ANKS1A: variants seen among roughly 807,000 people sequenced by gnomAD.
ANKS1A encodes ankyrin repeat and sterile alpha motif domain containing 1A.
In ANKS1A, 55 loss-of-function variants were observed where a neutral mutation model predicts 120.3. The ratio of observed to expected loss-of-function variants is 0.46; its 90% CI spans 0.37 to 0.57. The LOEUF is 0.57. Ranked by LOEUF, ANKS1A falls within the 20% of genes least tolerant of loss-of-function variation. ANKS1A has a pLI of 0.00. For missense variants in ANKS1A, 1,123 were observed against 1,480.3 expected, an observed-to-expected ratio of 0.76 and a Z score of 3.96; for synonymous variants, 590 against 604.7, an observed-to-expected ratio of 0.98 and a Z score of 0.36.
rs942298082 is a variant in ANKS1A at position 34,894,138 on chromosome 6, A to G, written c.197+4539A>G. Among the ~76,000 whole-genome samples the G allele has an allele frequency of 3.3e-5, 5 of 152,154 alleles. No individual in the cohort carries two copies. In the South Asian group the frequency reaches 1.0e-3, roughly 32 times the overall value. Reference sequence around the variant, plus strand: ...TCGGTCTATACCTTGGGAGCTTGGGATAGGCATTCTATCAAACTTCTTAAC... The same window carrying G: ...TCGGTCTATACCTTGGGAGCTTGGGGTAGGCATTCTATCAAACTTCTTAAC... On this transcript the variant is annotated intron_variant, in intron 1 of 23. Coordinates refer to ENST00000360359, the MANE Select transcript of ANKS1A (RefSeq NM_015245.3).
chr6:35,037,539 G>T (rs1775238246), intron 11 of ANKS1A, among the ~76,000 whole-genome samples: 2 of 152,224 alleles, frequency 1.3e-5, no homozygotes, highest in South Asian at 4.1e-4. Flanking sequence ...CCCTTGGGCC[G>T]TGGCCTGCTG....
chr6:35,032,489 AG>A (rs1267339901), intron 11 of ANKS1A, among the ~76,000 whole-genome samples: 2 of 152,192 alleles, frequency 1.3e-5, no homozygotes, highest in Non-Finnish European at 2.9e-5. Flanking sequence ...CATTTTTACA[AG>A]CCCTGCGGCT....
intron 2 of ANKS1A, among the ~76,000 whole-genome samples, chr6:34,969,272 G>A (rs1252118480): frequency 1.3e-5 from 2 of 151,816 alleles, no homozygotes; most frequent in Non-Finnish European, 1.5e-5. Flanking sequence ...TATTTATTTT[G>A]AGAGAGAGTC....
At chr6:35,066,977 C>T (rs820074) in intron 13 of ANKS1A, among the ~76,000 whole-genome samples, 65,916 of 151,962 alleles carry the variant, frequency 0.43, 14,861 homozygotes, top group East Asian at 0.62. Flanking sequence ...GTGAGGCAGG[C>T]GGTTCCACTC....
At chr6:34,977,478 G>A (rs775637159) in intron 3 of ANKS1A, among the ~76,000 whole-genome samples, 9 of 151,548 alleles carry the variant, frequency 5.9e-5, no homozygotes, top group Non-Finnish European at 8.8e-5. Context: ...TCCACATAGA[G>A]CAGGAATCTT....
chr6:35,079,234 C>T (rs973780931), intron 14 of ANKS1A, among the ~76,000 whole-genome samples: 3 of 152,092 alleles, frequency 2.0e-5, no homozygotes, highest in African/African-American at 4.8e-5. Flanking sequence ...GAGCTCAGGG[C>T]GGAGGCGTTC....
chr6:35,079,528 G>C lies in ANKS1A; in HGVS notation c.2296G>C (p.Gly766Arg). 6.2e-7 allele frequency: 1 copy of C among 1,613,678 alleles called. No homozygotes were observed. Among genetic ancestry groups the C allele is most frequent in the Non-Finnish European group, 8.5e-7 (1 of 1,179,734 alleles). Residue 766 changes from glycine (G) to arginine (R), a missense_variant, in exon 15 of 24, where the codon GGT (glycine) becomes CGT (arginine). Gly to Arg is a moderately radical substitution (Grantham distance 125). This residue lies in a region of ANKS1A where 904 missense variants were observed against 1,130.4 expected (regional missense o/e 0.80). Transcript: ENST00000360359. ...CCTTGCCCTGTAGGTGAAGGCTCTG[G>C]GTTATGACGGGAACAGCCCCCCTAG... ...ARSLPKVKALGYDGNSPPSVP... is the reference protein window; with the variant it reads ...ARSLPKVKALRYDGNSPPSVP...
rs1311549447 is a variant in ANKS1A, at chr6:34,976,850, T to TTATGACCCTTTAATCCTAAACA, written c.436-4839_436-4818dup. On this transcript the variant is annotated intron_variant, in intron 3 of 23. Coordinates refer to ENST00000360359, the MANE Select transcript of ANKS1A (RefSeq NM_015245.3). ...AATATTTGATATTAAGTCATGGACA[T>TTATGACCCTTTAATCCTAAACA]TATGACCCTTTAATCCTAAACACTT... is the stretch of plus-strand genomic sequence containing the variant. Among the ~76,000 whole-genome samples the TTATGACCCTTTAATCCTAAACA allele has an allele frequency of 2.0e-5, 3 of 152,216 alleles. No homozygotes were observed. In the East Asian group the frequency reaches 5.8e-4, roughly 29 times the overall value.
chr6:35,041,507 A>G (rs188407204), intron 11 of ANKS1A, among the ~76,000 whole-genome samples: 3 of 152,298 alleles, frequency 2.0e-5, no homozygotes, highest in East Asian at 1.9e-4. Flanking sequence ...TGTACACTCC[A>G]TAATTGCAAC....
chr6:34,960,035 C>T (rs1043407972), intron 1 of ANKS1A, among the ~76,000 whole-genome samples: 7 of 152,066 alleles, frequency 4.6e-5, no homozygotes. Context: ...ACCTCGATGT[C>T]CTTTGTGATG....
At chr6:34,954,752 C>T (rs1323140015) in intron 1 of ANKS1A, among the ~76,000 whole-genome samples, 1 of 152,242 alleles carries the variant, frequency 6.6e-6, no homozygotes. Flanking sequence ...ATCCTTTGTG[C>T]ATCAGTCCCA....
In ANKS1A at chr6:35,082,089, G is replaced by A. The variant is rs764100319; in HGVS notation, c.2710-602G>A. 3.3e-4 allele frequency among the ~76,000 whole-genome samples: 51 copies of A among 152,290 alleles called. No individual in the cohort carries two copies. Among genetic ancestry groups the A allele is most frequent in the Middle Eastern group, 3.4e-3 (1 of 294 alleles). ...CTCTGCGCACTGCTGGGAAGGGAGG[G>A]CCTCCGTGTTTCCTGAATCTTTTCC... On this transcript the variant is annotated intron_variant, in intron 17 of 23. Coordinates refer to ENST00000360359, the MANE Select transcript of ANKS1A (RefSeq NM_015245.3). The surrounding 1 kb of genome is among the most constrained non-coding windows in gnomAD (Gnocchi z 4.1).
At chr6:34,901,143 GT>G (rs1767331883) in intron 1 of ANKS1A, among the ~76,000 whole-genome samples, 1 of 151,760 alleles carries the variant, frequency 6.6e-6, no homozygotes, top group Non-Finnish European at 1.5e-5. Context: ...CAGGGCCAAA[GT>G]TTGTACAGGG....
chr6:34,986,779 G>A (rs1318947537), intron 8 of ANKS1A, among the ~76,000 whole-genome samples: 1 of 152,264 alleles, frequency 6.6e-6, no homozygotes, highest in Admixed American at 6.5e-5. Flanking sequence ...AAAACTCCTT[G>A]TGAGCGGTGA....
At chr6:34,904,774 T>G (rs1409009426) in intron 1 of ANKS1A, among the ~76,000 whole-genome samples, 2 of 152,146 alleles carry the variant, frequency 1.3e-5, no homozygotes, top group Non-Finnish European at 2.9e-5. Flanking sequence ...TTGCTCAAGG[T>G]GACATCTGAT....
At chr6:34,996,145 C>T (rs918366849) in intron 10 of ANKS1A, among the ~76,000 whole-genome samples, 3 of 152,014 alleles carry the variant, frequency 2.0e-5, no homozygotes, top group South Asian at 2.1e-4. Flanking sequence ...CTAGTAGATA[C>T]GTGGTGTTAG....
chr6:34,908,149 C>A (rs913103857), intron 1 of ANKS1A, among the ~76,000 whole-genome samples: 3 of 152,158 alleles, frequency 2.0e-5, no homozygotes, highest in African/African-American at 7.2e-5. Flanking sequence ...GTAAATAGTG[C>A]TGGAGGAGTT....
chr6:34,925,187 G>C (rs1435991953), intron 1 of ANKS1A, among the ~76,000 whole-genome samples: 1 of 152,062 alleles, frequency 6.6e-6, no homozygotes, highest in African/African-American at 2.4e-5. Flanking sequence ...TATCTTAGTA[G>C]GCTTTTTCTT....
chr6:34,897,919 C>G (rs1767171320), intron 1 of ANKS1A, among the ~76,000 whole-genome samples: 1 of 152,116 alleles, frequency 6.6e-6, no homozygotes, highest in Admixed American at 6.5e-5. Flanking sequence ...ACTATGGTGG[C>G]TAAGGATCAG....
Sources: gnomAD v4.1 joint callset for allele counts (sites outside exome capture counted in the v4.1 genomes callset) on GRCh38, gnomAD v4.1.1 for gene constraint, gnomAD v4.1.1 regional missense constraint, Gnocchi (gnomAD v3.1) non-coding constraint, MANE v1.5 for transcripts, NCBI Gene and HGNC (gene_info 2026-07-23, HGNC 2026-07-21) for gene names.